Variants in MED12L observed in about 807,000 individuals in gnomAD.
MED12L encodes mediator complex subunit 12L.
Under a neutral mutation model 281.3 loss-of-function variants are expected in MED12L, and 60 were observed. The observed-to-expected ratio is 0.21, with a 90% CI of 0.17 to 0.26. The LOEUF (loss-of-function observed/expected upper bound fraction) is 0.26, where lower values mean the gene tolerates loss of function less well. MED12L is among the 10% of genes least tolerant of loss of function. The pLI, the probability that MED12L is intolerant of heterozygous loss-of-function variation, is 1.00. For missense variants in MED12L, 2,146 were observed against 2,680.9 expected, an observed-to-expected ratio of 0.80 and a Z score of 4.41; for synonymous variants, 974 against 987.2, an observed-to-expected ratio of 0.99 and a Z score of 0.25.
chr3:151,337,531 C>A, intron 16 of MED12L: 1 of 322,356 alleles, frequency 3.1e-6, no homozygotes, highest in African/African-American at 2.2e-5. Flanking sequence ...CTCATTTTGG[C>A]AAAACTCTGC....
intron 3 of MED12L, among the ~76,000 whole-genome samples, chr3:151,118,425 T>C (rs1713209501): frequency 6.6e-6 from 1 of 152,222 alleles, no homozygotes; most frequent in Non-Finnish European, 1.5e-5. Context: ...GATAGTCCTA[T>C]TGACTAAACA....
intron 5 of MED12L, 82 bp from the exon 6 acceptor site, chr3:151,156,079 A>G: frequency 8.3e-7 from 1 of 1,210,320 alleles, no homozygotes; most frequent in Non-Finnish European, 1.2e-6. Flanking sequence ...CACCCTCGAG[A>G]TAATCAGAAT....
chr3:151,115,922 G>GTGGCAGGC (rs1465169092), intron 2 of MED12L, among the ~76,000 whole-genome samples: 3 of 151,538 alleles, frequency 2.0e-5, no homozygotes, highest in Non-Finnish European at 4.4e-5. Context: ...GCCGGGCATC[G>GTGGCAGGC]TGGCAGGCGA....
chr3:151,199,155 C>T, intron 16 of MED12L: 2 of 1,614,116 alleles, frequency 1.2e-6, no homozygotes, highest in Non-Finnish European at 1.7e-6. Flanking sequence ...TTCCAAGGTG[C>T]CACACCCAAG....
intron 16 of MED12L, among the ~76,000 whole-genome samples, chr3:151,277,876 T>C (rs912383377): frequency 6.6e-6 from 1 of 152,258 alleles, no homozygotes; most frequent in African/African-American, 2.4e-5. Context: ...TGTACACATA[T>C]GCAATTGCAA....
chr3:151,288,603 C>G (rs538843297), intron 16 of MED12L, among the ~76,000 whole-genome samples: 1 of 152,180 alleles, frequency 6.6e-6, no homozygotes, highest in African/African-American at 2.4e-5. Context: ...AATAGTTCTG[C>G]CTAAGCATTT....
chr3:151,265,974 A>G (rs1419746110), intron 16 of MED12L, among the ~76,000 whole-genome samples: 1 of 152,170 alleles, frequency 6.6e-6, no homozygotes, highest in Non-Finnish European at 1.5e-5. Flanking sequence ...TCTGGTTCAA[A>G]GAGGCATTTA....
At chr3:151,337,347 A>G (rs1751138567) in intron 16 of MED12L, 1 of 155,332 alleles carries the variant, frequency 6.4e-6, no homozygotes, top group Non-Finnish European at 1.4e-5. Context: ...AAATTTTTAT[A>G]AGTATCCCAA....
chr3:151,207,724 T>C (rs987553473), intron 16 of MED12L, among the ~76,000 whole-genome samples: 1 of 152,092 alleles, frequency 6.6e-6, no homozygotes, highest in Non-Finnish European at 1.5e-5. Context: ...TAAGGAAAGA[T>C]TGCAGTCATT....
intron 16 of MED12L, among the ~76,000 whole-genome samples, chr3:151,247,376 A>G (rs1471351881): frequency 6.6e-6 from 1 of 152,152 alleles, no homozygotes; most frequent in Non-Finnish European, 1.5e-5. Context: ...ATGTCCAACA[A>G]TGATAGACTG....
intron 44 of MED12L, among the ~76,000 whole-genome samples, chr3:151,431,951 C>G (rs557845879): frequency 4.6e-5 from 7 of 152,330 alleles, no homozygotes; most frequent in Admixed American, 1.3e-4. Flanking sequence ...GCTAATAGAG[C>G]TGAGGCTTGA....
In MED12L at chr3:151,156,237, C is replaced by T. The variant is rs373085551; in HGVS notation, c.633C>T (p.Ser211=). The change falls in exon 6 of 45, where the codon AGC becomes AGT. Residue 211 remains serine, a synonymous_variant. Coordinates refer to ENST00000687756, the MANE Select transcript of MED12L (RefSeq NM_001393769.1). ...KISDFYHMAS[S]TGDGPVPVPP... is the part of the protein sequence containing the mutation. The stretch of plus-strand genomic sequence containing the variant: ...CTGACTTTTACCACATGGCCTCCAG[C>T]ACGGGCGATGGCCCTGTCCCTGTGC... The T allele has an allele frequency of 1.9e-6, 3 of 1,613,606 alleles. No individual in the cohort carries two copies. Among genetic ancestry groups the T allele is most frequent in the Non-Finnish European group, 2.5e-6 (3 of 1,179,802 alleles).
intron 16 of MED12L, among the ~76,000 whole-genome samples, chr3:151,296,750 C>G (rs1419914701): frequency 6.6e-6 from 1 of 151,990 alleles, no homozygotes; most frequent in Admixed American, 6.6e-5. Flanking sequence ...TTTATAGATT[C>G]ACCTTTTGGA....
chr3:151,213,999 G>A (rs753882142), intron 16 of MED12L: 42 of 1,613,994 alleles, frequency 2.6e-5, no homozygotes, highest in Non-Finnish European at 3.5e-5. Flanking sequence ...CAATGCTGAC[G>A]TACATGTTGA....
chr3:151,238,336 G>A (rs901736094), intron 16 of MED12L, among the ~76,000 whole-genome samples: 1 of 152,032 alleles, frequency 6.6e-6, no homozygotes, highest in Non-Finnish European at 1.5e-5. Flanking sequence ...TAGTAGAGAC[G>A]GGGTTTCACC....
At chr3:151,240,600 C>A (rs1267242001) in intron 16 of MED12L, among the ~76,000 whole-genome samples, 1 of 152,054 alleles carries the variant, frequency 6.6e-6, no homozygotes, top group Non-Finnish European at 1.5e-5. Flanking sequence ...AGATTCAAAT[C>A]TAGTTGTTTA....
At chr3:151,391,616 T>C (rs374975438) in intron 38 of MED12L, among the ~76,000 whole-genome samples, 6 of 152,168 alleles carry the variant, frequency 3.9e-5, no homozygotes, top group Admixed American at 3.3e-4. Context: ...AAACTCGTAA[T>C]GTTTTAAGAA....
chr3:151,128,529 C>T (rs1206193430), intron 5 of MED12L, among the ~76,000 whole-genome samples: 1 of 151,618 alleles, frequency 6.6e-6, no homozygotes, highest in East Asian at 2.0e-4. Context: ...TGCCTTCCTT[C>T]TATCTCCCTA....
chr3:151,213,522 G>A (rs755518330), intron 16 of MED12L: 1 of 1,614,146 alleles, frequency 6.2e-7, no homozygotes, highest in East Asian at 2.2e-5. Flanking sequence ...ACTGGCAGCT[G>A]TAATGAGCTT....
Sources: gnomAD v4.1 joint callset for allele counts (sites outside exome capture counted in the v4.1 genomes callset) on GRCh38, gnomAD v4.1.1 for gene constraint, MANE v1.5 for transcripts, NCBI Gene and HGNC (gene_info 2026-07-23, HGNC 2026-07-21) for gene names.